The following B3GALNT2 variants were observed in gnomAD, a reference collection of about 807,000 sequenced individuals.
B3GALNT2 encodes UDP-GalNAc:beta-1,3-N-acetylgalactosaminyltransferase 2.
B3GALNT2 carries 53 observed loss-of-function variants against 61.1 expected under a neutral mutation model. That is an observed-to-expected ratio of 0.87 (90% CI 0.70 to 1.09). B3GALNT2 has a LOEUF of 1.09. Among genes scored for constraint, B3GALNT2 ranks in the 50% least tolerant of loss-of-function variants. B3GALNT2 has a pLI of 0.00. For missense variants in B3GALNT2, 544 were observed against 623.0 expected, an observed-to-expected ratio of 0.87 and a Z score of 1.35; for synonymous variants, 223 against 237.4, an observed-to-expected ratio of 0.94 and a Z score of 0.56.
In B3GALNT2 at chr1:235,465,813, CAGCAGATAAATGCATGT is replaced by C. The variant is rs1486609963; in HGVS notation, c.763-116_763-100del. 5 of 1,400,616 alleles carry C rather than the reference CAGCAGATAAATGCATGT, an allele frequency of 3.6e-6. No homozygotes were observed. In the East Asian group the frequency reaches 1.2e-4, roughly 33 times the overall value. 86.8% of individuals were successfully genotyped at this position (1,400,616 alleles called of 1,614,324 possible). A position where few individuals can be genotyped will look rare whatever the true frequency, so the allele number is the denominator to read the frequency against. On this transcript the variant is annotated intron_variant, in intron 6 of 11. Coordinates refer to ENST00000366600, the MANE Select transcript of B3GALNT2 (RefSeq NM_152490.5). ...AAAAATCATAATATGACTCCACTTG[CAGCAGATAAATGCATGT>C]AAGATGCTGGTGCACTGGAGGCTTA...
intron 3 of B3GALNT2, among the ~76,000 whole-genome samples, chr1:235,488,918 C>T (rs1684931399): frequency 1.3e-5 from 2 of 151,776 alleles, no homozygotes; most frequent in Non-Finnish European, 1.5e-5. Flanking sequence ...AGCCAGTTTT[C>T]GTGGCATGTG....
chr1:235,456,769 A>G (rs1683186830), intron 8 of B3GALNT2, among the ~76,000 whole-genome samples: 1 of 152,210 alleles, frequency 6.6e-6, no homozygotes, highest in Non-Finnish European at 1.5e-5. Flanking sequence ...CCTAGGAAAT[A>G]TCTTGCTCTA....
At chr1:235,495,475 C>T (rs1685275814) in intron 1 of B3GALNT2, among the ~76,000 whole-genome samples, 1 of 151,950 alleles carries the variant, frequency 6.6e-6, no homozygotes, top group Non-Finnish European at 1.5e-5. Context: ...AATTCTATAG[C>T]CAGTAAACCT....
intron 11 of B3GALNT2, chr1:235,452,534 C>A: frequency 7.9e-6 from 1 of 125,828 alleles, no homozygotes; most frequent in Non-Finnish European, 1.6e-5. Context: ...CCAAAATGCT[C>A]CAAAATCCAA....
chr1:235,459,639 A>AAATG (rs772697695), intron 7 of B3GALNT2, among the ~76,000 whole-genome samples: 5 of 152,174 alleles, frequency 3.3e-5, no homozygotes, highest in Non-Finnish European at 7.4e-5. Flanking sequence ...ATAAATAAAT[A>AAATG]AATAAAGAGA....
chr1:235,481,081 T>G (rs572023897), intron 4 of B3GALNT2, among the ~76,000 whole-genome samples: 4 of 152,074 alleles, frequency 2.6e-5, no homozygotes, highest in African/African-American at 9.7e-5. Flanking sequence ...CTTAAAACCA[T>G]GCAGGGGTTC....
At chr1:235,468,450 CTTTT>C (rs58494716) in intron 6 of B3GALNT2, among the ~76,000 whole-genome samples, 6 of 87,352 alleles carry the variant, frequency 6.9e-5, no homozygotes, top group Admixed American at 1.4e-4. Context: ...AGAAACCTAC[CTTTT>C]TTTTTTTTTT....
Position 235,504,277 on chromosome 1 carries a change from C to A in B3GALNT2, c.-25G>T, listed in dbSNP as rs1174988881. On this transcript the variant is annotated 5_prime_UTR_variant, in exon 1 of 12. Coordinates refer to ENST00000366600, the MANE Select transcript of B3GALNT2 (RefSeq NM_152490.5). ...TTGGCCGCCCCCGCCGCGAGCCGGG[C>A]TCTCCCGCGTCCCGGCGGAGAGGGA... 3 of 1,485,106 alleles carry A rather than the reference C, an allele frequency of 2.0e-6. No individual in the cohort carries two copies. Among genetic ancestry groups the A allele is most frequent in the African/African-American group, 1.5e-5 (1 of 68,314 alleles). 92.0% of individuals were successfully genotyped at this position (1,485,106 alleles called of 1,614,324 possible). A position where few individuals can be genotyped will look rare whatever the true frequency, so the allele number is the denominator to read the frequency against.
chr1:235,482,394 TC>T (rs916926963), intron 4 of B3GALNT2, among the ~76,000 whole-genome samples: 5 of 151,830 alleles, frequency 3.3e-5, no homozygotes, highest in African/African-American at 1.2e-4. Context: ...AGGGGGAACC[TC>T]CCAGAAAGGA....
rs1465866311 is a variant in B3GALNT2, at chr1:235,449,010, C to G, written c.*1196G>C. The G allele has an allele frequency of 5.0e-6, 2 of 400,386 alleles. No individual in the cohort carries two copies. Among genetic ancestry groups the G allele is most frequent in the Admixed American group, 7.5e-5 (2 of 26,622 alleles). The allele number at this position is 400,386 out of a possible 1,614,324, so 24.8% of individuals were successfully genotyped here. ...TTTCATATTTATTTTTACAGCTCAT[C>G]ACTGCATTTCATGATAAGATTTAAA... On this transcript the variant is annotated 3_prime_UTR_variant, in exon 12 of 12. Transcript: ENST00000366600.
In B3GALNT2 at chr1:235,449,134, T is replaced by A. The variant is rs1682721545; in HGVS notation, c.*1072A>T. ...ATGGAATTCTCTATTGAAACTACTA[T>A]TTTAAAGGGTTACTAGAAATGATTT... On this transcript the variant is annotated 3_prime_UTR_variant, in exon 12 of 12. Coordinates refer to ENST00000366600, the MANE Select transcript of B3GALNT2 (RefSeq NM_152490.5). The A allele has an allele frequency of 2.2e-5, 6 of 273,510 alleles. No homozygotes were observed. The South Asian group carries it at 2.3e-4, about 11-fold the overall frequency. The allele number at this position is 273,510 out of a possible 1,614,324, so 16.9% of individuals were successfully genotyped here.
rs552429188 is a variant in B3GALNT2, at chr1:235,471,054, T to A, written c.652-94A>T. 1.1e-4 allele frequency: 174 copies of A among 1,545,024 alleles called. 2 individuals are homozygous for A. The South Asian group carries it at 2.1e-3, about 18-fold the overall frequency. On this transcript the variant is annotated intron_variant, in intron 5 of 11. Coordinates refer to ENST00000366600, the MANE Select transcript of B3GALNT2 (RefSeq NM_152490.5). ...AGGCAAGATTTTTAGAGAAAATTTTTCCCAAAACGTATCATTTAAAATTTT... is the reference window on the plus strand; with the variant it reads ...AGGCAAGATTTTTAGAGAAAATTTTACCCAAAACGTATCATTTAAAATTTT...
chr1:235,448,210 A>AAGTC lies in B3GALNT2; in HGVS notation c.*1992_*1995dup, dbSNP rs1174910294. 19 of 719,088 alleles carry AAGTC rather than the reference A, an allele frequency of 2.6e-5. No individual in the cohort carries two copies. The East Asian group carries it at 4.2e-4, about 16-fold the overall frequency. The allele number at this position is 719,088 out of a possible 1,614,324, so 44.5% of individuals were successfully genotyped here. A position where few individuals can be genotyped will look rare whatever the true frequency, so the allele number is the denominator to read the frequency against. ...GCAAGACTTACTTAAGTAAGTAAGT[A>AAGTC]AGTCAGTCTCAAAAAAAAAAAAAAA... is the stretch of plus-strand genomic sequence containing the variant. On this transcript the variant is annotated 3_prime_UTR_variant, in exon 12 of 12. Transcript: ENST00000366600.
intron 2 of B3GALNT2, among the ~76,000 whole-genome samples, chr1:235,491,510 C>T (rs763526685): frequency 1.3e-5 from 2 of 152,138 alleles, no homozygotes; most frequent in African/African-American, 4.8e-5. Context: ...CCTGTAGGAA[C>T]CTCAAGGTCA....
chr1:235,497,691 T>C (rs888008515), intron 1 of B3GALNT2, among the ~76,000 whole-genome samples: 1 of 152,218 alleles, frequency 6.6e-6, no homozygotes, highest in Non-Finnish European at 1.5e-5. Context: ...CATGAAAATT[T>C]CTCAAATCTA....
At chr1:235,486,703 A>T (rs1174040560) in intron 3 of B3GALNT2, among the ~76,000 whole-genome samples, 1 of 152,228 alleles carries the variant, frequency 6.6e-6, no homozygotes, top group Non-Finnish European at 1.5e-5. Context: ...ATAAAGTTCT[A>T]CTTCTTTACT....
intron 5 of B3GALNT2, 51 bp downstream of exon 5, chr1:235,480,003 C>T (rs1684480108): frequency 6.2e-7 from 1 of 1,605,902 alleles, no homozygotes; most frequent in African/African-American, 1.3e-5. Flanking sequence ...CACACGCCCA[C>T]TCCTATGAAG....
rs545710635 is a variant in B3GALNT2, at chr1:235,499,695, C to T, written c.112+4446G>A. ...TGCCCATTTCTGTGCTTAGGTTTAA[C>T]AAAGTATAGATAGCTATGTGGAATT... is the stretch of plus-strand genomic sequence containing the variant. On this transcript the variant is annotated intron_variant, in intron 1 of 11. Coordinates refer to ENST00000366600, the MANE Select transcript of B3GALNT2 (RefSeq NM_152490.5). Among the ~76,000 whole-genome samples, 10 of 152,238 alleles carry T rather than the reference C, an allele frequency of 6.6e-5. No homozygotes were observed. In the East Asian group the frequency reaches 1.7e-3, roughly 26 times the overall value.
intron 8 of B3GALNT2, 134 bp downstream of exon 8, chr1:235,458,469 G>A: frequency 8.5e-7 from 1 of 1,171,488 alleles, no homozygotes; most frequent in Non-Finnish European, 1.1e-6. Flanking sequence ...AGGTTTGCCT[G>A]CACTCAGGAG....
Sources: gnomAD v4.1 joint callset for allele counts (sites outside exome capture counted in the v4.1 genomes callset) on GRCh38, gnomAD v4.1.1 for gene constraint, MANE v1.5 for transcripts, NCBI Gene and HGNC (gene_info 2026-07-23, HGNC 2026-07-21) for gene names.